The following HAUS1 variants were observed in gnomAD, a reference collection of about 807,000 sequenced individuals.
HAUS1 encodes the protein HAUS augmin-like complex subunit 1.
In HAUS1, 25 loss-of-function variants were observed where a neutral mutation model predicts 38.6. The ratio of observed to expected loss-of-function variants is 0.65; its 90% CI spans 0.47 to 0.91. The LOEUF (loss-of-function observed/expected upper bound fraction) is 0.91. HAUS1 is among the 40% of genes least tolerant of loss of function. The probability of loss-of-function intolerance (pLI) is 0.00; values close to 1 mark genes in which losing one functional copy is unlikely to be tolerated. For missense variants in HAUS1, 325 were observed against 328.4 expected (o/e 0.99, Z 0.08); for synonymous variants, 109 against 112.9 (o/e 0.97, Z 0.22).
intron 8 of HAUS1, chr18:46,126,790 A>G (rs1912119056): frequency 6.7e-6 from 1 of 149,684 alleles, no homozygotes; most frequent in South Asian, 2.1e-4. Flanking sequence ...ATGCCTGGCT[A>G]ATTTTTGCAT....
Position 46,105,276 on chromosome 18 carries a change from A to C in HAUS1, c.113A>C (p.His38Pro). 6.2e-7 allele frequency: 1 copy of C among 1,613,794 alleles called. No individual in the cohort carries two copies. The highest frequency in any genetic ancestry group is 8.5e-7 in the Non-Finnish European group (1 of 1,179,820). The change falls in exon 2 of 9, where the codon CAT becomes CCT. Residue 38 changes from histidine (H) to proline (P), a missense_variant. By Grantham distance (77) the His-to-Pro change is moderately conservative (BLOSUM62 -2). Transcript: ENST00000282058. ...AACCCACGGACCACAGAGATTTTAC[A>C]TCACCTTTCAGAACGCAACAGGGTC... is the stretch of plus-strand genomic sequence containing the variant. The part of the protein sequence containing the change: ...EVNPRTTEIL[H>P]HLSERNRVRD...
At chr18:46,110,333 G>GTTTTTTTTTTTTTTT (rs71160713) in intron 2 of HAUS1, among the ~76,000 whole-genome samples, 1 of 50,014 alleles carries the variant, frequency 2.0e-5, no homozygotes, top group Non-Finnish European at 3.5e-5. Flanking sequence ...TTTTTTTAAG[G>GTTTTTTTTTTTTTTT]TTTTTTTTTT....
chr18:46,118,494 AT>A, intron 3 of HAUS1, 178 bp downstream of exon 3: 1 of 582,948 alleles, frequency 1.7e-6, no homozygotes, highest in Non-Finnish European at 3.0e-6. Flanking sequence ...GTATTGGTTA[AT>A]TTTTAGTGTT....
chr18:46,118,350 A>T, intron 3 of HAUS1, 34 bp downstream of exon 3: 1 of 1,605,358 alleles, frequency 6.2e-7, no homozygotes, highest in South Asian at 1.1e-5. Flanking sequence ...TTCCGCAATC[A>T]TATCTGCTAT....
chr18:46,125,424 T>C (rs1912074466), intron 7 of HAUS1, among the ~76,000 whole-genome samples: 1 of 151,012 alleles, frequency 6.6e-6, no homozygotes, highest in East Asian at 1.9e-4. Flanking sequence ...TGGTGGGCGC[T>C]TATAATCCCA....
chr18:46,124,936 C>T, intron 7 of HAUS1, 43 bp downstream of exon 7: 2 of 1,098,530 alleles, frequency 1.8e-6, no homozygotes, highest in Non-Finnish European at 2.8e-6. Flanking sequence ...TTCCTCCAAC[C>T]TTCCCTGAGG....
intron 2 of HAUS1, among the ~76,000 whole-genome samples, chr18:46,108,338 CAG>C (rs1911530159): frequency 6.9e-6 from 1 of 144,436 alleles, no homozygotes. Context: ...TTACTAGAGA[CAG>C]TGTTTCACCG....
chr18:46,110,000 A>G (rs979338358), intron 2 of HAUS1, among the ~76,000 whole-genome samples: 7 of 152,002 alleles, frequency 4.6e-5, no homozygotes, highest in African/African-American at 1.7e-4. Context: ...CATAGTTACC[A>G]TTACTTACAG....
chr18:46,110,074 T>A (rs1911577801), intron 2 of HAUS1, among the ~76,000 whole-genome samples: 2 of 152,048 alleles, frequency 1.3e-5, no homozygotes, highest in Admixed American at 6.6e-5. Flanking sequence ...CCTACAAAAC[T>A]TCCCTTAGTT....
chr18:46,125,010 A>G lies in HAUS1; in HGVS notation c.738+117A>G, dbSNP rs1237752376. The G allele has an allele frequency of 5.1e-6, 3 of 588,174 alleles. No individual in the cohort carries two copies. In the African/African-American group the frequency reaches 5.6e-5, roughly 11 times the overall value. The allele number at this position is 588,174 out of a possible 1,614,324, so 36.4% of individuals were successfully genotyped here. On this transcript the variant is annotated intron_variant, in intron 7 of 8. Coordinates refer to ENST00000282058, the MANE Select transcript of HAUS1 (RefSeq NM_138443.4). ...CACGGTGGCTCACGCCTGTAATCCCAGCACTTTGGGAGGACAAGGCAGGCT... is the reference window on the plus strand; with the variant it reads ...CACGGTGGCTCACGCCTGTAATCCCGGCACTTTGGGAGGACAAGGCAGGCT...
chr18:46,105,770 A>G (rs1911455746), intron 2 of HAUS1, among the ~76,000 whole-genome samples: 1 of 152,056 alleles, frequency 6.6e-6, no homozygotes, highest in Non-Finnish European at 1.5e-5. Flanking sequence ...TAGTAAAGAC[A>G]GGGTTTCACA....
chr18:46,127,528 A>C (rs1599820719), intron 8 of HAUS1, among the ~76,000 whole-genome samples: 1 of 151,274 alleles, frequency 6.6e-6, no homozygotes, highest in African/African-American at 2.4e-5. Context: ...AGATGGTGAA[A>C]CCCCATCTCT....
At chr18:46,123,538 A>G (rs1435729831) in intron 6 of HAUS1, among the ~76,000 whole-genome samples, 174 bp downstream of exon 6, 2 of 152,188 alleles carry the variant, frequency 1.3e-5, no homozygotes, top group Non-Finnish European at 2.9e-5. Context: ...TTAGCTGTAT[A>G]TGCCCTCACA....
intron 7 of HAUS1, 47 bp from the exon 8 acceptor site, chr18:46,125,697 C>A (rs1327385908): frequency 7.6e-7 from 1 of 1,310,154 alleles, no homozygotes; most frequent in Non-Finnish European, 1.1e-6. Flanking sequence ...CTCCTTGGGT[C>A]TGAATTGAGG....
Position 46,125,801 on chromosome 18 carries a change from TC to T in HAUS1, c.786+12del. ...AGCAAAGCGAGAACTAGTAAGTAGT[TC>T]CTGTAATTTTTTCAGATTTTTTTAA... is the stretch of plus-strand genomic sequence containing the variant. On this transcript the variant is annotated intron_variant, in intron 8 of 8. Transcript: ENST00000282058. The T allele has an allele frequency of 6.4e-7, 1 of 1,562,152 alleles. No individual in the cohort carries two copies. The highest frequency in any genetic ancestry group is 8.8e-7 in the Non-Finnish European group (1 of 1,140,260).
At chr18:46,123,542 C>T (rs1221274033) in intron 6 of HAUS1, among the ~76,000 whole-genome samples, 178 bp downstream of exon 6, 1 of 151,992 alleles carries the variant, frequency 6.6e-6, no homozygotes, top group Non-Finnish European at 1.5e-5. Flanking sequence ...CTGTATATGC[C>T]CTCACATTTG....
At chr18:46,119,378 C>T (rs1023893805) in intron 3 of HAUS1, among the ~76,000 whole-genome samples, 1 of 151,610 alleles carries the variant, frequency 6.6e-6, no homozygotes, top group African/African-American at 2.4e-5. Flanking sequence ...TGTATAAGCA[C>T]TGGGGAAGCA....
chr18:46,113,052 TTATATATATAATATATATATTCCATATA>T (rs1179755563), intron 2 of HAUS1, among the ~76,000 whole-genome samples: 16 of 134,466 alleles, frequency 1.2e-4, no homozygotes, highest in Admixed American at 5.1e-4. Flanking sequence ...ATATTCCATA[TTATATATATAATATATATATTCCATATA>T]TATATATATA....
chr18:46,121,333 G>GAAATCC (rs1341403730), intron 4 of HAUS1, among the ~76,000 whole-genome samples: 8 of 152,040 alleles, frequency 5.3e-5, no homozygotes, highest in Middle Eastern at 3.4e-3. Flanking sequence ...GGGATTACAG[G>GAAATCC]CACCTGCCAC....
Sources: gnomAD v4.1 joint callset for allele counts (sites outside exome capture counted in the v4.1 genomes callset) on GRCh38, gnomAD v4.1.1 for gene constraint, MANE v1.5 for transcripts, NCBI Gene and HGNC (gene_info 2026-07-23, HGNC 2026-07-21) for gene names.